The following RGS5 variants were observed in gnomAD, a reference collection of about 807,000 sequenced individuals.
RGS5 encodes regulator of G protein signaling 5.
In RGS5, 20 loss-of-function variants were observed where a neutral mutation model predicts 18.9. The observed-to-expected ratio is 1.06, with a 90% CI of 0.74 to 1.54. The LOEUF (loss-of-function observed/expected upper bound fraction) is 1.54, where lower values mean the gene tolerates loss of function less well. RGS5 is among the 40% of genes most tolerant of loss of function. The pLI is 0.00. For synonymous variants in RGS5, 57 were observed against 76.2 expected (o/e 0.75, Z 1.31); for missense variants, 201 against 211.8 (o/e 0.95, Z 0.32).
At chr1:163,227,393 C>T (rs905812985) in intron 2 of RGS5, among the ~76,000 whole-genome samples, 8 of 152,108 alleles carry the variant, frequency 5.3e-5, no homozygotes, top group Non-Finnish European at 1.2e-4. Context: ...GAGTGCAAGG[C>T]AGGGATTGCC....
chr1:163,247,058 A>C lies in RGS5; in HGVS notation c.-281+59175T>G, dbSNP rs1486662008. 5.3e-5 allele frequency among the ~76,000 whole-genome samples: 8 copies of C among 152,322 alleles called. No homozygotes were observed. The East Asian group carries it at 9.6e-4, about 18-fold the overall frequency. ...AGTACACATGGACACAAAGAAGGGAATAATAGACACCAGGGCCTACTAGAG... is the reference window on the plus strand; with the variant it reads ...AGTACACATGGACACAAAGAAGGGACTAATAGACACCAGGGCCTACTAGAG... On this transcript the variant is annotated intron_variant, in intron 2 of 5. Coordinates refer to the RGS5 transcript ENST00000618415.
At chr1:163,312,846 A>T (rs1649907300) in intron 1 of RGS5, among the ~76,000 whole-genome samples, 1 of 152,226 alleles carries the variant, frequency 6.6e-6, no homozygotes, top group African/African-American at 2.4e-5. Flanking sequence ...GCATGTATTC[A>T]ATGAATTCTG....
upstream of RGS5, among the ~76,000 whole-genome samples, chr1:163,221,063 C>G (rs538445115): frequency 3.2e-4 from 48 of 152,270 alleles, 1 homozygote; most frequent in South Asian, 3.3e-3. Flanking sequence ...CTAATAGGTT[C>G]TTTTTGGTGA....
intron 1 of RGS5, chr1:163,306,339 A>G (rs2101645850): frequency 6.6e-6 from 1 of 152,350 alleles, no homozygotes; most frequent in East Asian, 1.9e-4. Flanking sequence ...TCTAAGAAAA[A>G]TAAAATGAAT....
chr1:163,205,833 G>A (rs1246064084), upstream of RGS5, among the ~76,000 whole-genome samples: 2 of 152,114 alleles, frequency 1.3e-5, no homozygotes, highest in Admixed American at 1.3e-4. Context: ...ATGTGTAAGT[G>A]TCTTTATTTT....
intron 2 of RGS5, among the ~76,000 whole-genome samples, chr1:163,289,803 G>A (rs1381978407): frequency 6.6e-6 from 1 of 152,104 alleles, no homozygotes; most frequent in African/African-American, 2.4e-5. Flanking sequence ...GTGAGGGTAA[G>A]AGAGCCCTCG....
chr1:163,313,995 A>ATG, intron 1 of RGS5, among the ~76,000 whole-genome samples: 2 of 5,592 alleles, frequency 3.6e-4, no homozygotes, highest in South Asian at 0.038. Flanking sequence ...TAAATAAGAT[A>ATG]TATATGTGTG....
chr1:163,185,221 C>T (rs530846144), intron 1 of RGS5, among the ~76,000 whole-genome samples: 7 of 152,210 alleles, frequency 4.6e-5, no homozygotes, highest in East Asian at 1.9e-4. Flanking sequence ...CACACACACA[C>T]GCAGAGGGGT....
chr1:163,182,407 T>G (rs1387534725), intron 1 of RGS5, among the ~76,000 whole-genome samples: 1 of 152,212 alleles, frequency 6.6e-6, no homozygotes, highest in Non-Finnish European at 1.5e-5. Context: ...CATTTTACTT[T>G]AGTTTTTAAA....
chr1:163,166,497 A>C (rs1314304903), intron 2 of RGS5, among the ~76,000 whole-genome samples: 1 of 152,206 alleles, frequency 6.6e-6, no homozygotes, highest in African/African-American at 2.4e-5. Context: ...AGAGAGATGG[A>C]GCTTATGCAG....
At chr1:163,264,393 G>A (rs561501304) in intron 2 of RGS5, among the ~76,000 whole-genome samples, 31 of 152,190 alleles carry the variant, frequency 2.0e-4, no homozygotes, top group Non-Finnish European at 2.5e-4. Flanking sequence ...GATAGATTGC[G>A]AAAATTAAGT....
intron 2 of RGS5, among the ~76,000 whole-genome samples, chr1:163,299,708 T>C (rs1042411266): frequency 2.0e-5 from 3 of 152,342 alleles, no homozygotes; most frequent in Admixed American, 2.0e-4. Flanking sequence ...CTTTGGGTCA[T>C]GGAGATAAAA....
At chr1:163,305,345 G>A (rs1308677642) in intron 2 of RGS5, 1 of 152,326 alleles carries the variant, frequency 6.6e-6, no homozygotes, top group Admixed American at 6.5e-5. Flanking sequence ...TTTCAGAAGT[G>A]TCTAGTCATC....
rs1207569282 is a variant in RGS5 at position 163,143,763 on chromosome 1, A to G, written c.*3579T>C. 6.6e-6 allele frequency: 1 copy of G among 152,190 alleles called. No individual in the cohort carries two copies. Among genetic ancestry groups the G allele is most frequent in the Non-Finnish European group, 1.5e-5 (1 of 68,018 alleles). 9.4% of individuals were successfully genotyped at this position (152,190 alleles called of 1,614,324 possible). A position where few individuals can be genotyped will look rare whatever the true frequency, so the allele number is the denominator to read the frequency against. On this transcript the variant is annotated 3_prime_UTR_variant, in exon 5 of 5. Transcript: ENST00000313961. ...ATAATGAAAATCATTTCTCTGAAAT[A>G]TAACTAGCTTTTACAACGATTCTCA...
intron 2 of RGS5, among the ~76,000 whole-genome samples, chr1:163,263,065 C>T (rs895634203): frequency 2.6e-5 from 4 of 152,166 alleles, no homozygotes; most frequent in African/African-American, 9.7e-5. Flanking sequence ...AATAAAGAAC[C>T]TCAGGGACTT....
intron 2 of RGS5, among the ~76,000 whole-genome samples, chr1:163,235,636 T>C (rs1486088524): frequency 6.6e-6 from 1 of 152,190 alleles, no homozygotes; most frequent in Non-Finnish European, 1.5e-5. Flanking sequence ...AACACCTTTT[T>C]TCATAAGCAA....
chr1:163,319,699 T>G (rs972878322), intron 1 of RGS5, among the ~76,000 whole-genome samples: 5 of 152,120 alleles, frequency 3.3e-5, no homozygotes, highest in African/African-American at 1.2e-4. Flanking sequence ...AACCATGCAG[T>G]CTAGGCTGTG....
intron 1 of RGS5, among the ~76,000 whole-genome samples, chr1:163,201,057 A>G (rs182531787): frequency 2.0e-5 from 3 of 152,296 alleles, no homozygotes; most frequent in Admixed American, 2.0e-4. Flanking sequence ...ATGCCAAGCA[A>G]TGTGTCATAG....
At chr1:163,277,821 A>C (rs1276582090) in intron 2 of RGS5, among the ~76,000 whole-genome samples, 1 of 152,194 alleles carries the variant, frequency 6.6e-6, no homozygotes, top group East Asian at 1.9e-4. Context: ...ATGAAAAGAT[A>C]GATATCACTA....
Sources: gnomAD v4.1 joint callset for allele counts (sites outside exome capture counted in the v4.1 genomes callset) on GRCh38, gnomAD v4.1.1 for gene constraint, MANE v1.5 for transcripts, NCBI Gene and HGNC (gene_info 2026-07-23, HGNC 2026-07-21) for gene names.